Variants in VDAC1 observed in about 807,000 individuals in gnomAD.
The protein encoded by VDAC1 is voltage dependent anion channel 1, also known as non-selective voltage-gated ion channel VDAC1.
In VDAC1, 10 loss-of-function variants were observed where a neutral mutation model predicts 34.7. The ratio of observed to expected loss-of-function variants is 0.29; its 90% CI spans 0.18 to 0.49. The LOEUF (loss-of-function observed/expected upper bound fraction) is 0.49, where lower values mean the gene tolerates loss of function less well. VDAC1 is among the 20% of genes least tolerant of loss of function. VDAC1 has a pLI of 0.99. For synonymous variants in VDAC1, 130 were observed against 136.0 expected, an observed-to-expected ratio of 0.96 and a Z score of 0.30; for missense variants, 230 against 347.9, an observed-to-expected ratio of 0.66 and a Z score of 2.69.
At chr5:134,077,905 C>G in the VDAC1 span, among the ~76,000 whole-genome samples, 1 of 152,244 alleles carries the variant, frequency 6.6e-6, no homozygotes, top group Non-Finnish European at 1.5e-5. Flanking sequence ...ATGTTCAGAG[C>G]AATTCCCTGA....
the VDAC1 span, among the ~76,000 whole-genome samples, chr5:134,033,621 T>C: frequency 4.7e-5 from 7 of 148,998 alleles, no homozygotes; most frequent in Non-Finnish European, 8.9e-5. Flanking sequence ...GTACCAATAA[T>C]ACTAATTAAT....
the VDAC1 span, among the ~76,000 whole-genome samples, chr5:134,078,647 C>CTTGTTTT: frequency 1.7e-5 from 2 of 118,458 alleles, no homozygotes; most frequent in South Asian, 3.0e-4. Flanking sequence ...CCTCAAGCAT[C>CTTGTTTT]TTTTTTTTTT....
chr5:134,083,040 T>C, the VDAC1 span, among the ~76,000 whole-genome samples: 3 of 152,230 alleles, frequency 2.0e-5, no homozygotes, highest in African/African-American at 4.8e-5. Context: ...ACATAAAATA[T>C]GGTAACCTTG....
At chr5:134,039,043 A>G in the VDAC1 span, among the ~76,000 whole-genome samples, 1 of 152,184 alleles carries the variant, frequency 6.6e-6, no homozygotes, top group African/African-American at 2.4e-5. Flanking sequence ...TGTGGCATTC[A>G]TTACTCGCTG....
At chr5:133,991,216 C>T in intron 3 of VDAC1, 62 bp from the exon 4 acceptor site, 1 of 1,595,228 alleles carries the variant, frequency 6.3e-7, no homozygotes, top group Admixed American at 1.7e-5. Flanking sequence ...TCACTTCACT[C>T]CTAAACACTA....
the VDAC1 span, among the ~76,000 whole-genome samples, chr5:134,077,860 C>T: frequency 6.6e-6 from 1 of 152,330 alleles, no homozygotes; most frequent in African/African-American, 2.4e-5. Flanking sequence ...GTCAGCTCTC[C>T]TACTAAAGCC....
At chr5:134,056,217 G>C in the VDAC1 span, among the ~76,000 whole-genome samples, 2 of 144,258 alleles carry the variant, frequency 1.4e-5, no homozygotes, top group East Asian at 2.0e-4. Context: ...CTCCAGCCTA[G>C]GCGACAACAG....
chr5:134,041,277 G>C, the VDAC1 span, among the ~76,000 whole-genome samples: 2 of 152,226 alleles, frequency 1.3e-5, no homozygotes, highest in African/African-American at 2.4e-5. Context: ...TGTCAGAAAA[G>C]AGGTTGCTGC....
the VDAC1 span, among the ~76,000 whole-genome samples, chr5:134,113,757 G>C: frequency 2.0e-5 from 3 of 152,252 alleles, no homozygotes; most frequent in Admixed American, 6.5e-5. Context: ...ACTTTCCCGC[G>C]CTCCGCAAAT....
chr5:134,001,774 T>A (rs1242020993), intron 1 of VDAC1, among the ~76,000 whole-genome samples: 1 of 149,892 alleles, frequency 6.7e-6, no homozygotes, highest in East Asian at 2.0e-4. Flanking sequence ...TGACTTGACC[T>A]GTATGAGACC....
chr5:134,011,348 T>G, the VDAC1 span, among the ~76,000 whole-genome samples: 6 of 152,156 alleles, frequency 3.9e-5, no homozygotes, highest in African/African-American at 1.4e-4. Flanking sequence ...CTTGTTGAAC[T>G]CTTTAAGTTC....
the VDAC1 span, among the ~76,000 whole-genome samples, chr5:134,091,673 CAG>C: frequency 0.026 from 3,963 of 152,228 alleles, 165 homozygotes; most frequent in African/African-American, 0.09. Context: ...GCAGAAAAAA[CAG>C]AGACAGTGAT....
At chr5:134,088,998 C>T in the VDAC1 span, among the ~76,000 whole-genome samples, 61 of 152,326 alleles carry the variant, frequency 4.0e-4, no homozygotes, top group African/African-American at 1.3e-3. Context: ...TGGCAGCTGG[C>T]CCCTTTGCCT....
At chr5:134,109,341 T>C in the VDAC1 span, among the ~76,000 whole-genome samples, 1 of 152,168 alleles carries the variant, frequency 6.6e-6, no homozygotes, top group Non-Finnish European at 1.5e-5. Context: ...GCAGGCGTAT[T>C]CCTCTGTGAA....
the VDAC1 span, among the ~76,000 whole-genome samples, chr5:134,054,458 C>CTTTT: frequency 3.7e-3 from 463 of 123,532 alleles, no homozygotes; most frequent in Non-Finnish European, 5.5e-3. Flanking sequence ...TCCTTCCTTC[C>CTTTT]TTTTTTTTTT....
the VDAC1 span, among the ~76,000 whole-genome samples, chr5:134,030,604 CT>C: frequency 3.6e-4 from 39 of 107,752 alleles, no homozygotes; most frequent in South Asian, 1.0e-3. Context: ...TTCTTTCTTT[CT>C]TTTTTTTTTG....
chr5:134,093,647 C>T, the VDAC1 span, among the ~76,000 whole-genome samples: 5 of 152,172 alleles, frequency 3.3e-5, no homozygotes, highest in African/African-American at 9.7e-5. Flanking sequence ...GTGTCAAGAG[C>T]GTGAGCCGGC....
intron 6 of VDAC1, among the ~76,000 whole-genome samples, chr5:133,977,486 C>T (rs1441472596): frequency 6.6e-6 from 1 of 152,210 alleles, no homozygotes; most frequent in Non-Finnish European, 1.5e-5. Context: ...TCTCCTCTTC[C>T]TCTTTTGGGG....
the VDAC1 span, among the ~76,000 whole-genome samples, chr5:134,028,599 A>G: frequency 1.6e-4 from 24 of 152,180 alleles, no homozygotes; most frequent in Non-Finnish European, 1.8e-4. Context: ...GTCATCTAAC[A>G]ATGCTCAGCT....
Sources: allele counts gnomAD v4.1 joint callset (sites outside exome capture counted in the v4.1 genomes callset), GRCh38; gene constraint gnomAD v4.1.1; transcripts MANE v1.5; gene names NCBI Gene and HGNC (gene_info 2026-07-23, HGNC 2026-07-21).